ZFR: variants seen among roughly 807,000 people sequenced by gnomAD.
ZFR encodes zinc finger RNA binding protein.
Under a neutral mutation model 130.7 loss-of-function variants are expected in ZFR, and 19 were observed. The observed-to-expected ratio is 0.15, with a 90% confidence interval of 0.10 to 0.21. The LOEUF (loss-of-function observed/expected upper bound fraction) is 0.21. Ranked by LOEUF, ZFR falls within the 10% of genes least tolerant of loss-of-function variation. ZFR has a pLI of 1.00. For missense variants in ZFR, 872 were observed against 1,321.5 expected (o/e 0.66, Z 5.27); for synonymous variants, 466 against 456.9 (o/e 1.02, Z -0.25).
In ZFR at chr5:32,420,119, C is replaced by A; in HGVS notation, c.138-16G>T. 1 of 1,515,354 alleles carries A rather than the reference C, an allele frequency of 6.6e-7. No individual in the cohort carries two copies. The highest frequency in any genetic ancestry group is 8.9e-7 in the Non-Finnish European group (1 of 1,127,356). 93.9% of individuals were successfully genotyped at this position (1,515,354 alleles called of 1,614,324 possible). A position where few individuals can be genotyped will look rare whatever the true frequency, so the allele number is the denominator to read the frequency against. ...TGGCTGCTGGCTACATTGTGGAGTACAAGAATAAATATAATACAATTTTAA... is the reference window on the plus strand; with the variant it reads ...TGGCTGCTGGCTACATTGTGGAGTAAAAGAATAAATATAATACAATTTTAA... On this transcript the variant is annotated splice_polypyrimidine_tract_variant and intron_variant, in intron 2 of 19. Coordinates refer to ENST00000265069, the MANE Select transcript of ZFR (RefSeq NM_016107.5).
rs1753910079 is a variant in ZFR, at chr5:32,419,710, T to C, written c.420+111A>G. ...TCATTTACTTTTCTCTATCAGTACA[T>C]GTGTATTTTGGAAGCCCCAAGTTTG... is the stretch of plus-strand genomic sequence containing the variant. On this transcript the variant is annotated intron_variant, in intron 3 of 19. Transcript: ENST00000265069. The C allele has an allele frequency of 1.2e-5, 18 of 1,481,754 alleles. No homozygotes were observed. In the South Asian group the frequency reaches 2.0e-4, roughly 16 times the overall value. 91.8% of individuals were successfully genotyped at this position (1,481,754 alleles called of 1,614,324 possible). A position where few individuals can be genotyped will look rare whatever the true frequency, so the allele number is the denominator to read the frequency against.
intron 2 of ZFR, among the ~76,000 whole-genome samples, chr5:32,442,021 A>T (rs566724530): frequency 1.3e-5 from 2 of 152,184 alleles, no homozygotes; most frequent in Non-Finnish European, 2.9e-5. Context: ...CAATCACATA[A>T]ATATTTTATC....
chr5:32,429,232 C>T (rs1464348847), intron 2 of ZFR, among the ~76,000 whole-genome samples: 4 of 152,084 alleles, frequency 2.6e-5, no homozygotes, highest in African/African-American at 7.2e-5. Flanking sequence ...GTGATCTGCC[C>T]GGCTTGGCCT....
chr5:32,372,307 T>C (rs566701075), intron 17 of ZFR, among the ~76,000 whole-genome samples: 3 of 152,308 alleles, frequency 2.0e-5, no homozygotes, highest in East Asian at 3.9e-4. Flanking sequence ...GTAGGGACTT[T>C]GGGTGATAGT....
intron 2 of ZFR, among the ~76,000 whole-genome samples, chr5:32,429,895 C>T (rs907121715): frequency 6.6e-6 from 1 of 151,360 alleles, no homozygotes; most frequent in Non-Finnish European, 1.5e-5. Context: ...AAAGGGAGGC[C>T]CTGCCTTTAA....
At chr5:32,423,467 C>T (rs1172559679) in intron 2 of ZFR, among the ~76,000 whole-genome samples, 7 of 151,456 alleles carry the variant, frequency 4.6e-5, no homozygotes, top group Non-Finnish European at 7.4e-5. Context: ...ATATGAAGGC[C>T]ACAGATGAGA....
intron 8 of ZFR, among the ~76,000 whole-genome samples, chr5:32,402,159 G>A (rs1009871436): frequency 4.2e-5 from 6 of 142,978 alleles, no homozygotes; most frequent in Non-Finnish European, 9.1e-5. Context: ...ATTAATAGAG[G>A]CGGACAGTGA....
chr5:32,387,703 C>A lies in ZFR; in HGVS notation c.2349-4G>T, dbSNP rs1287335645. 1.2e-6 allele frequency: 2 copies of A among 1,601,416 alleles called. No individual in the cohort carries two copies. The highest frequency in any genetic ancestry group is 1.7e-6 in the Non-Finnish European group (2 of 1,173,446). On this transcript the variant is annotated splice_polypyrimidine_tract_variant and splice_region_variant and intron_variant, in intron 13 of 19. Coordinates refer to ENST00000265069, the MANE Select transcript of ZFR (RefSeq NM_016107.5). Reference sequence around the variant, plus strand: ...TCGCAAAACTCCTTTCAAAGCTCTGCAGTAAAATAAAATTATATTATGATA... The same window carrying A: ...TCGCAAAACTCCTTTCAAAGCTCTGAAGTAAAATAAAATTATATTATGATA...
chr5:32,369,019 TATTTACTCACAGCAC>T lies in ZFR; in HGVS notation c.2836-4759_2836-4745del, dbSNP rs1561862672. On this transcript the variant is annotated intron_variant, in intron 17 of 19. Transcript: ENST00000265069. ...TGCAGGTTGTTGCATTTTTGTAATATATTTACTCACAGCACTTTATTTTATATGGTGAAATGTATG... is the reference window on the plus strand; with the variant it reads ...TGCAGGTTGTTGCATTTTTGTAATATTTTATTTTATATGGTGAAATGTATG... Among the ~76,000 whole-genome samples the T allele has an allele frequency of 2.0e-5, 3 of 152,348 alleles. No homozygotes were observed. In the South Asian group the frequency reaches 6.2e-4, roughly 32 times the overall value.
chr5:32,398,494 G>A (rs1334169123), intron 9 of ZFR, among the ~76,000 whole-genome samples: 2 of 152,124 alleles, frequency 1.3e-5, no homozygotes, highest in Non-Finnish European at 2.9e-5. Context: ...GTAATTCTCT[G>A]AAGTTTAGGA....
At chr5:32,427,468 CA>C (rs1754099727) in intron 2 of ZFR, among the ~76,000 whole-genome samples, 1 of 148,598 alleles carries the variant, frequency 6.7e-6, no homozygotes, top group Admixed American at 6.7e-5. Context: ...TTAAAAACTA[CA>C]AAACACTGCT....
intron 15 of ZFR, among the ~76,000 whole-genome samples, chr5:32,381,332 C>T (rs1011220606): frequency 1.1e-4 from 17 of 152,256 alleles, no homozygotes; most frequent in African/African-American, 3.9e-4. Context: ...TGTATATTAA[C>T]AGCAAATCTG....
intron 17 of ZFR, among the ~76,000 whole-genome samples, chr5:32,376,236 C>T (rs1374246489): frequency 6.6e-6 from 1 of 152,140 alleles, no homozygotes. Flanking sequence ...CCTCTCACTC[C>T]TCAGAAATAA....
intron 2 of ZFR, among the ~76,000 whole-genome samples, chr5:32,442,400 C>T (rs564484506): frequency 6.6e-6 from 1 of 152,292 alleles, no homozygotes; most frequent in African/African-American, 2.4e-5. Context: ...TCCACGTAAC[C>T]AAAAACCACT....
intron 17 of ZFR, among the ~76,000 whole-genome samples, chr5:32,365,715 T>C (rs900051184): frequency 4.0e-5 from 6 of 150,948 alleles, no homozygotes; most frequent in Admixed American, 2.0e-4. Flanking sequence ...GAGGTTGCAG[T>C]GAGCTGTGGT....
chr5:32,424,830 A>G (rs1214876029), intron 2 of ZFR, among the ~76,000 whole-genome samples: 2 of 152,236 alleles, frequency 1.3e-5, no homozygotes, highest in Admixed American at 1.3e-4. Context: ...TCTAAATTAG[A>G]GAAGATAAAC....
chr5:32,383,909 C>A (rs1752984114), intron 15 of ZFR: 2 of 392,906 alleles, frequency 5.1e-6, no homozygotes, highest in Non-Finnish European at 1.0e-5. Flanking sequence ...AAAATCTTTC[C>A]ATTTTGGACT....
intron 2 of ZFR, among the ~76,000 whole-genome samples, chr5:32,423,682 G>A (rs557869029): frequency 1.3e-5 from 2 of 152,116 alleles, no homozygotes; most frequent in South Asian, 2.1e-4. Context: ...CACTCCTGAC[G>A]TGAACCACGT....
chr5:32,406,455 C>T (rs528780376), intron 6 of ZFR, among the ~76,000 whole-genome samples: 51 of 152,088 alleles, frequency 3.4e-4, no homozygotes, highest in African/African-American at 4.6e-4. Context: ...AAAAACACAA[C>T]GAAATAAAAA....
Sources: gnomAD v4.1 joint callset for allele counts (sites outside exome capture counted in the v4.1 genomes callset) on GRCh38, gnomAD v4.1.1 for gene constraint, MANE v1.5 for transcripts, NCBI Gene and HGNC (gene_info 2026-07-23, HGNC 2026-07-21) for gene names.